The following SLCO1C1 variants were observed in gnomAD, a reference collection of about 807,000 sequenced individuals.
SLCO1C1 encodes OAT-RP-5.
In SLCO1C1, 70 loss-of-function variants were observed where a neutral mutation model predicts 76.4. The ratio of observed to expected loss-of-function variants is 0.92; its 90% CI spans 0.76 to 1.12. The LOEUF is 1.12. Ranked by LOEUF, SLCO1C1 falls within the 50% of genes most tolerant of loss-of-function variation. The pLI is 0.00. For synonymous variants in SLCO1C1, 306 were observed against 286.1 expected (o/e 1.07, Z -0.70); for missense variants, 912 against 823.8 (o/e 1.11, Z -1.31).
intron 5 of SLCO1C1, 33 bp downstream of exon 5, chr12:20,711,543 C>G: frequency 6.3e-7 from 1 of 1,599,528 alleles, no homozygotes; most frequent in Non-Finnish European, 8.5e-7. Context: ...ACTAAACAAG[C>G]TTTTAAAAAA....
intron 9 of SLCO1C1, among the ~76,000 whole-genome samples, chr12:20,725,091 TA>T (rs1488275412): frequency 4.7e-5 from 4 of 85,576 alleles, no homozygotes; most frequent in African/African-American, 1.2e-4. Context: ...TTATATAAAA[TA>T]ATATATACAA....
At chr12:20,752,170 T>A in intron 14 of SLCO1C1, 136 bp from the exon 15 acceptor site, 1 of 559,008 alleles carries the variant, frequency 1.8e-6, no homozygotes, top group South Asian at 4.1e-5. Flanking sequence ...TGTCAGTATT[T>A]CATAAAACAG....
chr12:20,721,835 G>A lies in SLCO1C1; in HGVS notation c.807G>A (p.Gln269=), dbSNP rs369775973. The A allele has an allele frequency of 3.1e-6, 5 of 1,614,020 alleles. No individual in the cohort carries two copies. In the African/African-American group the frequency reaches 6.7e-5, roughly 22 times the overall value. The change falls in exon 8 of 15, where the codon CAG becomes CAA. Residue 269 remains glutamine (Q), a synonymous_variant. Transcript: ENST00000266509. Reference sequence around the variant, plus strand: ...TAACCATTACCCCAAAAGATCCCCAGTGGGTAGGAGCCTGGTGGCTTGGCT... The same window carrying A: ...TAACCATTACCCCAAAAGATCCCCAATGGGTAGGAGCCTGGTGGCTTGGCT... ...DHITITPKDP[Q]WVGAWWLGYL... is the part of the protein sequence containing the mutation.
At chr12:20,730,899 G>A (rs369817333) in intron 9 of SLCO1C1, among the ~76,000 whole-genome samples, 40 of 152,216 alleles carry the variant, frequency 2.6e-4, no homozygotes, top group African/African-American at 7.9e-4. Context: ...GTGGGCCAGG[G>A]GGCTGCCGGC....
At position 20,699,682 on chromosome 12, in the gene SLCO1C1, C is replaced by A. The variant is rs1946426675; in HGVS notation, c.106C>A (p.Gln36Lys). 1 of 1,611,690 alleles carries A rather than the reference C, an allele frequency of 6.2e-7. No homozygotes were observed. Among genetic ancestry groups the A allele is most frequent in the Non-Finnish European group, 8.5e-7 (1 of 1,178,844 alleles). The stretch of plus-strand genomic sequence containing the variant: ...AGAATATCCCTCCTCAGAAGAAAAG[C>A]AACCATGCTGTGGTGAACTAAAGGT... Reference protein sequence around the residue: ...KTEYPSSEEKQPCCGELKVFL... With the variant: ...KTEYPSSEEKKPCCGELKVFL... Residue 36 changes from glutamine (Q) to lysine (K), a missense_variant, in exon 2 of 15, where the codon CAA becomes AAA. Gln to Lys is a moderately conservative substitution (Grantham distance 53, BLOSUM62 1). Coordinates refer to ENST00000266509, the MANE Select transcript of SLCO1C1 (RefSeq NM_017435.5).
chr12:20,708,452 T>C (rs1946894442), intron 4 of SLCO1C1, among the ~76,000 whole-genome samples: 1 of 151,998 alleles, frequency 6.6e-6, no homozygotes, highest in African/African-American at 2.4e-5. Flanking sequence ...GTAAGAACTA[T>C]AGAGAAAAAT....
chr12:20,743,323 T>C lies in SLCO1C1; in HGVS notation c.1752T>C (p.Leu584=). Residue 584 remains leucine, a synonymous_variant, in exon 13 of 15, where the codon CTT becomes CTC. Coordinates refer to ENST00000266509, the MANE Select transcript of SLCO1C1 (RefSeq NM_017435.5). ...ATTTTAGGTGCATTAAGCCACAGCT[T>C]AAGTCTTTTGCCTTGGGTATCTACA... ...ILLLRCIKPQ[L]KSFALGIYTL... is the part of the protein sequence containing the mutation. The C allele has an allele frequency of 6.2e-7, 1 of 1,613,084 alleles. No homozygotes were observed. The highest frequency in any genetic ancestry group is 8.5e-7 in the Non-Finnish European group (1 of 1,179,466).
intron 14 of SLCO1C1, among the ~76,000 whole-genome samples, chr12:20,751,579 A>G (rs531040264): frequency 6.6e-6 from 1 of 152,236 alleles, no homozygotes; most frequent in South Asian, 2.1e-4. Context: ...TATGCGTGAA[A>G]TTTATTTTGG....
At position 20,701,345 on chromosome 12, in the gene SLCO1C1, T is replaced by G. The variant is rs753658338; in HGVS notation, c.157T>G (p.Tyr53Asp). 1.3e-6 allele frequency: 2 copies of G among 1,538,696 alleles called. No homozygotes were observed. The highest frequency in any genetic ancestry group is 2.4e-5 in the South Asian group (2 of 81,960). ...KVFLCALSFV[Y>D]FAKALAEGYL... is the part of the protein sequence containing the mutation. ...GTTCTTGTGTGCCTTGTCTTTTGTT[T>G]ACTTTGCCAAAGCATTGGCAGAAGG... The change falls in exon 3 of 15, where the codon TAC (tyrosine) becomes GAC (aspartate). Residue 53 changes from tyrosine to aspartate, a missense_variant. Transcript: ENST00000266509.
At chr12:20,740,518 A>G (rs897504192) in intron 12 of SLCO1C1, 150 bp downstream of exon 12, 4 of 665,150 alleles carry the variant, frequency 6.0e-6, no homozygotes, top group Non-Finnish European at 9.7e-6. Flanking sequence ...TATATATCGC[A>G]CTTTGGGTAT....
At chr12:20,730,657 C>CT (rs1025103417) in intron 9 of SLCO1C1, among the ~76,000 whole-genome samples, 1 of 152,196 alleles carries the variant, frequency 6.6e-6, no homozygotes, top group Non-Finnish European at 1.5e-5. Context: ...CATTTCTTCT[C>CT]TTTTCCATTT....
intron 5 of SLCO1C1, among the ~76,000 whole-genome samples, chr12:20,713,384 T>C (rs1245779280): frequency 6.6e-6 from 1 of 152,190 alleles, no homozygotes; most frequent in Non-Finnish European, 1.5e-5. Context: ...CGGCCAGATG[T>C]TTTCTTTTGA....
In SLCO1C1 at chr12:20,750,696, A is replaced by G. The variant is rs1949261352; in HGVS notation, c.1820A>G (p.Tyr607Cys). The G allele has an allele frequency of 8.1e-6, 13 of 1,613,962 alleles. No homozygotes were observed. The highest frequency in any genetic ancestry group is 1.1e-5 in the Non-Finnish European group (13 of 1,179,862). The change falls in exon 14 of 15, where the codon TAT becomes TGT. Residue 607 changes from tyrosine to cysteine, a missense_variant. Transcript: ENST00000266509. ...RVLAGIPAPV[Y>C]FGVLIDTSCL... is the part of the protein sequence containing the mutation. The stretch of plus-strand genomic sequence containing the variant: ...ACAGCAGGAATCCCAGCTCCAGTGT[A>G]TTTTGGAGTTTTGATTGATACTTCA...
At chr12:20,731,699 T>C (rs949696720) in intron 9 of SLCO1C1, among the ~76,000 whole-genome samples, 2 of 152,244 alleles carry the variant, frequency 1.3e-5, no homozygotes, top group Non-Finnish European at 2.9e-5. Flanking sequence ...AATTTACTTA[T>C]TGTTGAGTGC....
chr12:20,741,199 A>T (rs1181575091), intron 12 of SLCO1C1, among the ~76,000 whole-genome samples: 1 of 152,084 alleles, frequency 6.6e-6, no homozygotes, highest in Non-Finnish European at 1.5e-5. Context: ...TCACCTCCCA[A>T]GAGGTCCCTC....
chr12:20,711,359 CATGAAGAAA>C lies in SLCO1C1; in HGVS notation c.405-25_405-17del. On this transcript the variant is annotated intron_variant, in intron 4 of 14. Transcript: ENST00000266509. ...CTTAGTATGATGTTAATGAGTCTATCATGAAGAAAACATTCCTCTTATGCAGGTACAAAT... is the reference window on the plus strand; with the variant it reads ...CTTAGTATGATGTTAATGAGTCTATCACATTCCTCTTATGCAGGTACAAAT... The C allele has an allele frequency of 6.2e-7, 1 of 1,606,472 alleles. No individual in the cohort carries two copies. The highest frequency in any genetic ancestry group is 8.5e-7 in the Non-Finnish European group (1 of 1,176,700).
At chr12:20,717,789 G>A (rs182137704) in intron 7 of SLCO1C1, among the ~76,000 whole-genome samples, 17 of 149,652 alleles carry the variant, frequency 1.1e-4, no homozygotes, top group Admixed American at 1.1e-3. Flanking sequence ...GAAATAAATG[G>A]CAAAGGGGAC....
chr12:20,713,947 G>C (rs968378429), intron 5 of SLCO1C1, among the ~76,000 whole-genome samples: 1 of 152,190 alleles, frequency 6.6e-6, no homozygotes, highest in African/African-American at 2.4e-5. Context: ...TTATACAATT[G>C]CTAGGGCTAG....
chr12:20,737,333 C>G (rs1231066089), intron 11 of SLCO1C1, 61 bp downstream of exon 11: 8 of 1,485,832 alleles, frequency 5.4e-6, no homozygotes, highest in Non-Finnish European at 6.2e-6. Context: ...CAACAAAACT[C>G]TATGGGGGCT....
Sources: gnomAD v4.1 joint callset for allele counts (sites outside exome capture counted in the v4.1 genomes callset) on GRCh38, gnomAD v4.1.1 for gene constraint, MANE v1.5 for transcripts, NCBI Gene and HGNC (gene_info 2026-07-23, HGNC 2026-07-21) for gene names.